Variants in SMIM41 observed in about 807,000 individuals in gnomAD.
SMIM41 encodes the protein small integral membrane protein 41.
At chr12:52,095,212 G>A (rs1044886345) in intron 2 of SMIM41, among the ~76,000 whole-genome samples, 2 of 151,696 alleles carry the variant, frequency 1.3e-5, no homozygotes, top group Admixed American at 6.6e-5. Context: ...TCTCCCCACC[G>A]CTGGATATTA....
rs779074251 is a variant in SMIM41 at position 52,107,527 on chromosome 12, T to G, written c.*344T>G. On this transcript the variant is annotated 3_prime_UTR_variant, in exon 3 of 3. Coordinates refer to ENST00000546390, the MANE Select transcript of SMIM41 (RefSeq NM_001369216.1). The stretch of plus-strand genomic sequence containing the variant: ...TCCATGTACTTCTTCCTCTCCAACC[T>G]GTCCTTGCCTGACATCGGTTTCACC... 2 of 969,704 alleles carry G rather than the reference T, an allele frequency of 2.1e-6. No individual in the cohort carries two copies. Among genetic ancestry groups the G allele is most frequent in the East Asian group, 6.6e-5 (2 of 30,084 alleles). The allele number at this position is 969,704 out of a possible 1,614,324, so 60.1% of individuals were successfully genotyped here.
intron 2 of SMIM41, among the ~76,000 whole-genome samples, chr12:52,106,934 A>G (rs535466792): frequency 6.6e-6 from 1 of 152,248 alleles, no homozygotes; most frequent in African/African-American, 2.4e-5. Context: ...AATAAAAAAT[A>G]TTTGAGTTCT....
Position 52,083,933 on chromosome 12 carries a change from A to AGAGAGGAGAGAAGAGAAGAG in SMIM41, c.*176_*195dup, listed in dbSNP as rs1939854285. 1.3e-5 allele frequency: 2 copies of AGAGAGGAGAGAAGAGAAGAG among 151,550 alleles called. No homozygotes were observed. The highest frequency in any genetic ancestry group is 2.4e-5 in the African/African-American group (1 of 40,840). The allele number at this position is 151,550 out of a possible 1,614,324, so 9.4% of individuals were successfully genotyped here. On this transcript the variant is annotated 3_prime_UTR_variant, in exon 2 of 3. Coordinates refer to ENST00000546390, the MANE Select transcript of SMIM41 (RefSeq NM_001369216.1). ...GAAGAGGAGAGGAGAGAAGAGAAGA[A>AGAGAGGAGAGAAGAGAAGAG]GAGAGGAGAGAAGAGAAGAGGAGAG...
rs1179483799 is a variant in SMIM41 at position 52,083,988 on chromosome 12, T to C, written c.*195+20T>C. On this transcript the variant is annotated intron_variant, in intron 2 of 2. Transcript: ENST00000546390. ...GAAGAGGTATAGAACCAGCCCTCTATTCCTGGGAACACTCATTTTATTCTC... is the reference window on the plus strand; with the variant it reads ...GAAGAGGTATAGAACCAGCCCTCTACTCCTGGGAACACTCATTTTATTCTC... The C allele has an allele frequency of 6.6e-6, 1 of 152,158 alleles. No homozygotes were observed. Among genetic ancestry groups the C allele is most frequent in the Non-Finnish European group, 1.5e-5 (1 of 68,046 alleles). 9.4% of individuals were successfully genotyped at this position (152,158 alleles called of 1,614,324 possible).
intron 2 of SMIM41, among the ~76,000 whole-genome samples, chr12:52,103,357 C>CAAAAAAAAAAAAAAAAAAAAAAAAAA: frequency 8.5e-6 from 1 of 116,982 alleles, no homozygotes; most frequent in Non-Finnish European, 1.9e-5. Flanking sequence ...AAAATAAAAC[C>CAAAAAAAAAAAAAAAAAAAAAAAAAA]AAAAAAAAAA....
At chr12:52,094,213 T>C (rs1450698090) in intron 2 of SMIM41, among the ~76,000 whole-genome samples, 1 of 145,448 alleles carries the variant, frequency 6.9e-6, no homozygotes, top group East Asian at 1.9e-4. Context: ...TTTTTTTTTT[T>C]GAGACGGCAT....
At chr12:52,106,723 C>T (rs1256836273) in intron 2 of SMIM41, among the ~76,000 whole-genome samples, 4 of 152,138 alleles carry the variant, frequency 2.6e-5, no homozygotes, top group East Asian at 3.8e-4. Context: ...CAAGACCCAC[C>T]GATTTGAGTA....
intron 2 of SMIM41, among the ~76,000 whole-genome samples, chr12:52,103,025 T>C (rs1395934459): frequency 6.6e-6 from 1 of 152,142 alleles, no homozygotes; most frequent in African/African-American, 2.4e-5. Flanking sequence ...CTATTCAGCC[T>C]TAAAAAGGCA....
At chr12:52,085,094 G>A in intron 2 of SMIM41, among the ~76,000 whole-genome samples, 1 of 152,162 alleles carries the variant, frequency 6.6e-6, no homozygotes, top group East Asian at 1.9e-4. Context: ...TTTTTGGTCT[G>A]AATTTATAGA....
At chr12:52,097,783 C>T (rs984984599) in intron 2 of SMIM41, among the ~76,000 whole-genome samples, 11 of 151,938 alleles carry the variant, frequency 7.2e-5, no homozygotes, top group African/African-American at 2.4e-4. Context: ...TTGGGAGTAA[C>T]ATCATTCTCT....
At chr12:52,091,007 T>C (rs914065719) in intron 2 of SMIM41, among the ~76,000 whole-genome samples, 1 of 152,202 alleles carries the variant, frequency 6.6e-6, no homozygotes, top group African/African-American at 2.4e-5. Context: ...TTCTTGTTTT[T>C]GTTTTTGTTA....
Position 52,086,583 on chromosome 12 carries a change from C to T in SMIM41, c.*195+2615C>T, listed in dbSNP as rs532652376. 1.1e-3 allele frequency among the ~76,000 whole-genome samples: 161 copies of T among 152,356 alleles called. 1 individual carries two copies. In the South Asian group the frequency reaches 0.03, roughly 29 times the overall value. Reference sequence around the variant, plus strand: ...GACTTCCACGAGGCTTCTGTGAGTCCTGCCAAGAGGCCGAGGCTGCAGCCG... The same window carrying T: ...GACTTCCACGAGGCTTCTGTGAGTCTTGCCAAGAGGCCGAGGCTGCAGCCG... On this transcript the variant is annotated intron_variant, in intron 2 of 2. Transcript: ENST00000546390.
rs183124506 is a variant in SMIM41, at chr12:52,098,305, C to G, written c.*196-9074C>G. 1.8e-4 allele frequency among the ~76,000 whole-genome samples: 27 copies of G among 151,444 alleles called. 2 individuals carry two copies. Among genetic ancestry groups the G allele is most frequent in the African/African-American group, 6.6e-4 (27 of 41,002 alleles). On this transcript the variant is annotated intron_variant, in intron 2 of 2. Transcript: ENST00000546390. ...TCACAAGGGGCGTGTACACACACTTCGATATTGGTATTAATACCATCCTCT... is the reference window on the plus strand; with the variant it reads ...TCACAAGGGGCGTGTACACACACTTGGATATTGGTATTAATACCATCCTCT...
chr12:52,098,527 A>G (rs1940146019), intron 2 of SMIM41, among the ~76,000 whole-genome samples: 1 of 146,984 alleles, frequency 6.8e-6, no homozygotes, highest in African/African-American at 2.5e-5. Context: ...GGGGGGACGT[A>G]CACCCCGTTT....
chr12:52,098,364 G>A (rs1347753860), intron 2 of SMIM41, among the ~76,000 whole-genome samples: 1 of 151,990 alleles, frequency 6.6e-6, no homozygotes. Context: ...TATTTCAGGT[G>A]GGGTATACAC....
At chr12:52,082,013 TGCC>T (rs1413295075) in intron 1 of SMIM41, 1 of 152,274 alleles carries the variant, frequency 6.6e-6, no homozygotes, top group Non-Finnish European at 1.5e-5. Flanking sequence ...CCTGTGCCAC[TGCC>T]CCCTTCCCAT....
chr12:52,086,551 C>T (rs546489526), intron 2 of SMIM41, among the ~76,000 whole-genome samples: 4 of 152,216 alleles, frequency 2.6e-5, no homozygotes, highest in Non-Finnish European at 4.4e-5. Flanking sequence ...CCTTCCCAGC[C>T]GCAGCTGACT....
intron 1 of SMIM41, among the ~76,000 whole-genome samples, chr12:52,082,461 C>T (rs990039054): frequency 2.6e-5 from 4 of 152,076 alleles, no homozygotes; most frequent in African/African-American, 4.8e-5. Context: ...CCTCAGTGTT[C>T]CTGTGGGAAG....
intron 2 of SMIM41, among the ~76,000 whole-genome samples, chr12:52,105,782 A>AT (rs1940326101): frequency 6.6e-6 from 1 of 151,844 alleles, no homozygotes; most frequent in Non-Finnish European, 1.5e-5. Context: ...ACAAAAAAAA[A>AT]CTCCCACAAC....
Sources: allele counts gnomAD v4.1 joint callset (sites outside exome capture counted in the v4.1 genomes callset), GRCh38; gene constraint gnomAD v4.1.1; transcripts MANE v1.5; gene names NCBI Gene and HGNC (gene_info 2026-07-23, HGNC 2026-07-21).